Variants in TRIM24 observed in about 807,000 individuals in gnomAD.
TRIM24 encodes the protein tripartite motif containing 24, also known as transcription intermediary factor 1-alpha.
A neutral mutation model predicts 123.9 loss-of-function variants in TRIM24; 29 were observed. The ratio of observed to expected loss-of-function variants is 0.23; its 90% CI spans 0.17 to 0.32. The LOEUF (loss-of-function observed/expected upper bound fraction) is 0.32, where lower values mean the gene tolerates loss of function less well. Ranked by LOEUF, TRIM24 falls within the 10% of genes least tolerant of loss-of-function variation. The pLI is 1.00. For synonymous variants in TRIM24, 456 were observed against 461.1 expected, an observed-to-expected ratio of 0.99 and a Z score of 0.14; for missense variants, 932 against 1,295.3, an observed-to-expected ratio of 0.72 and a Z score of 4.31.
intron 9 of TRIM24, among the ~76,000 whole-genome samples, chr7:138,555,607 C>G (rs773368923): frequency 1.3e-5 from 2 of 151,816 alleles, no homozygotes; most frequent in Non-Finnish European, 2.9e-5. Context: ...CTCAGCCTCC[C>G]AAGTAGCTAG....
intron 4 of TRIM24, among the ~76,000 whole-genome samples, chr7:138,523,644 G>A (rs901041868): frequency 2.0e-5 from 3 of 151,668 alleles, no homozygotes; most frequent in South Asian, 2.1e-4. Flanking sequence ...CCAGCTACTC[G>A]GGAGGCTGAG....
At chr7:138,546,937 A>G (rs1158061267) in intron 7 of TRIM24, among the ~76,000 whole-genome samples, 2 of 152,206 alleles carry the variant, frequency 1.3e-5, no homozygotes, top group East Asian at 3.8e-4. Flanking sequence ...TTTTGGGTAT[A>G]TATTCAAAGG....
chr7:138,571,393 T>C (rs946034067), intron 11 of TRIM24, among the ~76,000 whole-genome samples: 1 of 152,324 alleles, frequency 6.6e-6, no homozygotes, highest in South Asian at 2.1e-4. Flanking sequence ...TTTAATCCTT[T>C]AGAATATTAC....
At chr7:138,470,854 G>T (rs1265594228) in intron 1 of TRIM24, among the ~76,000 whole-genome samples, 1 of 152,178 alleles carries the variant, frequency 6.6e-6, no homozygotes, top group East Asian at 1.9e-4. Flanking sequence ...TCTCAATTTT[G>T]TGTTTCATGT....
intron 1 of TRIM24, among the ~76,000 whole-genome samples, chr7:138,467,543 A>G (rs902040008): frequency 6.6e-6 from 1 of 152,082 alleles, no homozygotes; most frequent in Admixed American, 6.6e-5. Context: ...GGGTTTCACC[A>G]TGTTGGCCAG....
chr7:138,546,833 G>A (rs868626754), intron 7 of TRIM24, among the ~76,000 whole-genome samples: 5 of 152,286 alleles, frequency 3.3e-5, no homozygotes, highest in East Asian at 3.9e-4. Context: ...CTTGCATCCC[G>A]TTGGTGAGAA....
chr7:138,517,358 G>GTTT (rs1454145356), intron 3 of TRIM24, among the ~76,000 whole-genome samples: 3 of 147,630 alleles, frequency 2.0e-5, no homozygotes, highest in African/African-American at 8.0e-5. Context: ...TTTTGTGTGT[G>GTTT]TGTGTTTTGT....
intron 13 of TRIM24, 29 bp from the exon 14 acceptor site, chr7:138,577,391 T>C (rs1455147351): frequency 2.0e-6 from 3 of 1,473,722 alleles, no homozygotes; most frequent in African/African-American, 2.9e-5. Flanking sequence ...CATTCTTAGA[T>C]TGCTTTTTCT....
intron 9 of TRIM24, among the ~76,000 whole-genome samples, chr7:138,556,791 G>A (rs977112676): frequency 1.3e-5 from 2 of 152,166 alleles, no homozygotes; most frequent in Admixed American, 1.3e-4. Context: ...AGAGACCAAT[G>A]GATGGAACAG....
At chr7:138,551,811 TCTTTACAACTATTCAATAGG>T (rs1185432503) in intron 8 of TRIM24, among the ~76,000 whole-genome samples, 1 of 152,234 alleles carries the variant, frequency 6.6e-6, no homozygotes, top group Non-Finnish European at 1.5e-5. Flanking sequence ...TATTGGCTTA[TCTTTACAACTATTCAATAGG>T]AACTTAATGG....
Position 138,554,165 on chromosome 7 carries a change from G to A in TRIM24, c.1262-533G>A, listed in dbSNP as rs537087275. Among the ~76,000 whole-genome samples, 6 of 152,144 alleles carry A rather than the reference G, an allele frequency of 3.9e-5. No individual in the cohort carries two copies. The highest frequency in any genetic ancestry group is 2.1e-4 in the South Asian group (1 of 4,808). Reference sequence around the variant, plus strand: ...GTTGGCCACTCCTAGGTTCCTTAACGCAGAACTCCAAACACACATTCTTCT... The same window carrying A: ...GTTGGCCACTCCTAGGTTCCTTAACACAGAACTCCAAACACACATTCTTCT... On this transcript the variant is annotated intron_variant, in intron 8 of 18. Coordinates refer to ENST00000343526, the MANE Select transcript of TRIM24 (RefSeq NM_015905.3). This position sits in a 1 kb window ranked among gnomAD's most constrained non-coding sequence, Gnocchi z 4.5.
Position 138,558,895 on chromosome 7 carries a change from G to A in TRIM24, c.1530+3929G>A, listed in dbSNP as rs74835309. On this transcript the variant is annotated intron_variant, in intron 9 of 18. Coordinates refer to ENST00000343526, the MANE Select transcript of TRIM24 (RefSeq NM_015905.3). ...GTGGACCAAGTCATGCAGCTCCAGC[G>A]GGCTATTAACGGGGACCTAGAGGAA... Among the ~76,000 whole-genome samples the A allele has an allele frequency of 7.3e-3, 1,106 of 152,282 alleles. 13 individuals carry two copies. Among genetic ancestry groups the A allele is most frequent in the South Asian group, 0.045 (216 of 4,824 alleles).
chr7:138,464,146 C>T (rs1181023680), intron 1 of TRIM24, among the ~76,000 whole-genome samples: 2 of 151,262 alleles, frequency 1.3e-5, no homozygotes, highest in Non-Finnish European at 2.9e-5. Context: ...AGGAACATGC[C>T]ACCACGCCCG....
intron 6 of TRIM24, among the ~76,000 whole-genome samples, chr7:138,530,498 C>G (rs1430904512): frequency 6.6e-6 from 1 of 152,108 alleles, no homozygotes; most frequent in Non-Finnish European, 1.5e-5. Context: ...CAGGGTCTCA[C>G]TCTGTTGCCC....
intron 11 of TRIM24, 84 bp downstream of exon 11, chr7:138,571,087 T>A: frequency 7.1e-7 from 1 of 1,404,472 alleles, no homozygotes; most frequent in Non-Finnish European, 9.9e-7. Context: ...CCCAGCACTT[T>A]GGGAGGCTGA....
intron 9 of TRIM24, among the ~76,000 whole-genome samples, chr7:138,563,530 CTT>C (rs1797470521): frequency 2.0e-5 from 3 of 152,170 alleles, no homozygotes; most frequent in African/African-American, 7.2e-5. Context: ...GATCTGCTTC[CTT>C]TTTTGCCTCT....
chr7:138,504,516 CA>C, intron 2 of TRIM24, 108 bp downstream of exon 2: 1 of 619,178 alleles, frequency 1.6e-6, no homozygotes, highest in East Asian at 3.3e-5. Flanking sequence ...CAGGAGTTCA[CA>C]AGTGGCGCAA....
chr7:138,529,944 AAAG>A (rs1378437650), intron 6 of TRIM24, among the ~76,000 whole-genome samples: 4 of 152,212 alleles, frequency 2.6e-5, no homozygotes, highest in African/African-American at 7.2e-5. Flanking sequence ...ATGAGAAAAA[AAAG>A]AATCCTAATG....
chr7:138,543,024 T>G (rs1314580195), intron 7 of TRIM24, among the ~76,000 whole-genome samples: 1 of 152,218 alleles, frequency 6.6e-6, no homozygotes, highest in Non-Finnish European at 1.5e-5. Flanking sequence ...TAGAGAATTG[T>G]GTTTTTCAAC....
Sources: gnomAD v4.1 joint callset for allele counts (sites outside exome capture counted in the v4.1 genomes callset) on GRCh38, gnomAD v4.1.1 for gene constraint, Gnocchi (gnomAD v3.1) non-coding constraint, MANE v1.5 for transcripts, NCBI Gene and HGNC (gene_info 2026-07-23, HGNC 2026-07-21) for gene names.